The following PKNOX1 variants were observed in gnomAD, a reference collection of about 807,000 sequenced individuals.
PKNOX1 encodes homeobox protein PKNOX1.
In PKNOX1, 15 loss-of-function variants were observed where a neutral mutation model predicts 51.9. The ratio of observed to expected loss-of-function variants is 0.29; its 90% CI spans 0.19 to 0.45. The LOEUF is 0.45. Ranked by LOEUF, PKNOX1 falls within the 20% of genes least tolerant of loss-of-function variation. The pLI, the probability that PKNOX1 is intolerant of heterozygous loss-of-function variation, is 1.00. For synonymous variants in PKNOX1, 219 were observed against 211.1 expected (o/e 1.04, Z -0.32); for missense variants, 462 against 547.5 (o/e 0.84, Z 1.56).
At chr21:42,993,646 CTTTGTTTTT>C (rs144259090) in intron 1 of PKNOX1, among the ~76,000 whole-genome samples, 22,460 of 69,220 alleles carry the variant, frequency 0.32, 2,157 homozygotes, top group Non-Finnish European at 0.36. Flanking sequence ...TGGTTACCCA[CTTTGTTTTT>C]TTTGTTTTTT....
intron 1 of PKNOX1, among the ~76,000 whole-genome samples, chr21:42,995,674 C>T (rs910127171): frequency 2.6e-5 from 4 of 151,816 alleles, no homozygotes; most frequent in Non-Finnish European, 5.9e-5. Flanking sequence ...AAGAACCCAT[C>T]TCAAAAAAAT....
chr21:42,997,113 T>G (rs1217450022), intron 1 of PKNOX1, among the ~76,000 whole-genome samples: 1 of 152,170 alleles, frequency 6.6e-6, no homozygotes, highest in Non-Finnish European at 1.5e-5. Context: ...ATTCCTGACC[T>G]CAGGTGATCC....
chr21:42,975,361 C>G (rs1161927492), intron 1 of PKNOX1, among the ~76,000 whole-genome samples: 1 of 151,844 alleles, frequency 6.6e-6, no homozygotes, highest in Non-Finnish European at 1.5e-5. Context: ...CAGGGCCGCT[C>G]GCTGACGGCA....
At chr21:43,014,501 A>G (rs185312694) in intron 5 of PKNOX1, among the ~76,000 whole-genome samples, 162 of 152,274 alleles carry the variant, frequency 1.1e-3, no homozygotes, top group African/African-American at 3.6e-3. Context: ...AGCCTTTTTA[A>G]TTTTAATAAA....
intron 1 of PKNOX1, chr21:43,004,004 G>A (rs557017148): frequency 3.5e-5 from 6 of 169,588 alleles, no homozygotes; most frequent in East Asian, 1.7e-4. Context: ...TTGGGAGGCC[G>A]AGGCGGGTGG....
At chr21:43,025,677 A>T (rs2839623) in intron 9 of PKNOX1, among the ~76,000 whole-genome samples, 137,335 of 152,250 alleles carry the variant, frequency 0.9, 62,064 homozygotes, top group African/African-American at 0.93. Flanking sequence ...CACATTTTTT[A>T]AATTTACTTA....
At chr21:42,978,079 C>T (rs1439721051) in intron 1 of PKNOX1, among the ~76,000 whole-genome samples, 1 of 152,096 alleles carries the variant, frequency 6.6e-6, no homozygotes, top group Admixed American at 6.6e-5. Flanking sequence ...GATCATGGCT[C>T]ACTGCAACCT....
At chr21:43,028,599 A>T (rs1278882200) in intron 9 of PKNOX1, 103 bp from the exon 10 acceptor site, 2 of 1,015,440 alleles carry the variant, frequency 2.0e-6, no homozygotes, top group African/African-American at 3.2e-5. Context: ...CATTCTTTGT[A>T]GCGTGCTTCG....
intron 1 of PKNOX1, among the ~76,000 whole-genome samples, chr21:42,999,965 G>T (rs1978676027): frequency 6.6e-6 from 1 of 151,882 alleles, no homozygotes; most frequent in Admixed American, 6.6e-5. Context: ...AATCTCTAGG[G>T]CAGGGGCAAA....
intron 1 of PKNOX1, among the ~76,000 whole-genome samples, chr21:42,978,819 T>C (rs2059011801): frequency 6.6e-6 from 1 of 152,034 alleles, no homozygotes; most frequent in Non-Finnish European, 1.5e-5. Flanking sequence ...GAAGTCTCCC[T>C]ATGTTATCCA....
chr21:42,976,130 CGCAGTAAAATAAGTATT>C (rs1238228718), intron 1 of PKNOX1, among the ~76,000 whole-genome samples: 5 of 152,148 alleles, frequency 3.3e-5, no homozygotes, highest in Non-Finnish European at 5.9e-5. Context: ...TCCAGACCAC[CGCAGTAAAATAAGTATT>C]GCAGTAAAGC....
At chr21:42,986,529 A>G (rs1477228750) in intron 1 of PKNOX1, among the ~76,000 whole-genome samples, 2 of 152,146 alleles carry the variant, frequency 1.3e-5, no homozygotes, top group African/African-American at 4.8e-5. Context: ...ATTTCTTGAC[A>G]AATGTTTTCC....
rs898536584 is a variant in PKNOX1 at position 43,021,230 on chromosome 21, C to T, written c.721-73C>T. The T allele has an allele frequency of 1.9e-5, 24 of 1,257,114 alleles. No individual in the cohort carries two copies. In the Admixed American group the frequency reaches 3.7e-4, roughly 20 times the overall value. 77.9% of individuals were successfully genotyped at this position (1,257,114 alleles called of 1,614,324 possible). On this transcript the variant is annotated intron_variant, in intron 7 of 10. Transcript: ENST00000291547. The surrounding 1 kb of genome is among the most constrained non-coding windows in gnomAD (Gnocchi z 4.6). The stretch of plus-strand genomic sequence containing the variant: ...CTGTCCGATCCTTGGCTGTTTTCTC[C>T]ACCTGCAGTTGTAAGTACTTGGATA...
At chr21:43,016,682 C>A (rs552630029) in intron 5 of PKNOX1, among the ~76,000 whole-genome samples, 1 of 152,318 alleles carries the variant, frequency 6.6e-6, no homozygotes, top group Admixed American at 6.5e-5. Context: ...AGCCACAGTG[C>A]AGGCTGACGT....
intron 1 of PKNOX1, among the ~76,000 whole-genome samples, chr21:42,997,573 G>A (rs1434810542): frequency 6.6e-6 from 1 of 152,242 alleles, no homozygotes; most frequent in African/African-American, 2.4e-5. Context: ...CAGAGACAGC[G>A]CTAGTAGTTG....
At chr21:43,019,925 ATTTTTTTTTTTTTT>A (rs60174298) in intron 7 of PKNOX1, among the ~76,000 whole-genome samples, 1 of 85,904 alleles carries the variant, frequency 1.2e-5, no homozygotes, top group Non-Finnish European at 2.2e-5. Context: ...AGGTGCTCTG[ATTTTTTTTTTTTTT>A]TTTTTTTTTT....
intron 6 of PKNOX1, 37 bp downstream of exon 6, chr21:43,017,044 T>A: frequency 1.4e-6 from 2 of 1,408,926 alleles, no homozygotes; most frequent in Non-Finnish European, 2.0e-6. Context: ...TCTCCATGAG[T>A]TTTTGCAGAA....
At chr21:43,004,548 G>A in intron 2 of PKNOX1, 116 bp downstream of exon 2, 2 of 754,736 alleles carry the variant, frequency 2.6e-6, no homozygotes, top group South Asian at 2.9e-5. Context: ...CAGTGTTAGT[G>A]TATTATGCAT....
intron 10 of PKNOX1, 89 bp downstream of exon 10, chr21:43,028,963 C>A: frequency 7.4e-7 from 1 of 1,354,680 alleles, no homozygotes; most frequent in Non-Finnish European, 1.1e-6. Context: ...TAGCTGTGAG[C>A]CTCAGGTAAT....
Sources: allele counts gnomAD v4.1 joint callset (sites outside exome capture counted in the v4.1 genomes callset), GRCh38; gene constraint gnomAD v4.1.1; non-coding constraint Gnocchi (gnomAD v3.1); transcripts MANE v1.5; gene names NCBI Gene and HGNC (gene_info 2026-07-23, HGNC 2026-07-21).